Variants in QTMAN observed in about 807,000 individuals in gnomAD.
QTMAN encodes tRNA-queuosine alpha-mannosyltransferase.
At chr2:144,215,645 A>C in the QTMAN span, among the ~76,000 whole-genome samples, 2 of 152,202 alleles carry the variant, frequency 1.3e-5, no homozygotes, top group Admixed American at 6.5e-5. Flanking sequence ...AATTCCATGA[A>C]TGATTTCAAA....
At chr2:144,302,737 T>C in the QTMAN span, among the ~76,000 whole-genome samples, 1 of 152,134 alleles carries the variant, frequency 6.6e-6, no homozygotes, top group African/African-American at 2.4e-5. Context: ...TAAGGAGTAT[T>C]TGACAAATAT....
chr2:144,291,898 C>G, the QTMAN span, among the ~76,000 whole-genome samples: 3 of 152,296 alleles, frequency 2.0e-5, no homozygotes, highest in East Asian at 1.9e-4. Flanking sequence ...ATCCAAGAAA[C>G]CAACTGCTTT....
chr2:144,220,878 C>A, the QTMAN span, among the ~76,000 whole-genome samples: 1 of 152,172 alleles, frequency 6.6e-6, no homozygotes, highest in African/African-American at 2.4e-5. Flanking sequence ...ATCCTATTAT[C>A]CTCTTGCATT....
At chr2:143,971,691 GTTT>G in the QTMAN span, among the ~76,000 whole-genome samples, 1 of 151,764 alleles carries the variant, frequency 6.6e-6, no homozygotes, top group Non-Finnish European at 1.5e-5. Flanking sequence ...CAAAATATTT[GTTT>G]TTTATTTATA....
At chr2:143,961,162 G>A in the QTMAN span, among the ~76,000 whole-genome samples, 20 of 152,220 alleles carry the variant, frequency 1.3e-4, 1 homozygote, top group South Asian at 3.9e-3. Flanking sequence ...ATTTAGCCAA[G>A]GAGAGATATA....
At chr2:143,979,483 A>G in the QTMAN span, among the ~76,000 whole-genome samples, 1 of 152,240 alleles carries the variant, frequency 6.6e-6, no homozygotes, top group Non-Finnish European at 1.5e-5. Context: ...ACATGAAATA[A>G]GCACTCAAAG....
the QTMAN span, among the ~76,000 whole-genome samples, chr2:144,089,775 T>C: frequency 7.4e-5 from 11 of 149,376 alleles, no homozygotes; most frequent in Non-Finnish European, 1.5e-4. Context: ...GAAGGGAGAG[T>C]GGGGGAGAGG....
At chr2:144,145,879 CCATGTAGCAG>C in the QTMAN span, 1 of 472,322 alleles carries the variant, frequency 2.1e-6, no homozygotes, top group Non-Finnish European at 3.7e-6. Flanking sequence ...AGGCTTAATA[CCATGTAGCAG>C]CATTCTAAGT....
the QTMAN span, among the ~76,000 whole-genome samples, chr2:144,027,460 G>T: frequency 1.3e-5 from 2 of 152,184 alleles, no homozygotes; most frequent in East Asian, 3.8e-4. Context: ...TCACTTGTCA[G>T]ATGAAGCAAA....
At chr2:144,023,918 TTAAAG>T in the QTMAN span, among the ~76,000 whole-genome samples, 9 of 152,250 alleles carry the variant, frequency 5.9e-5, no homozygotes, top group Admixed American at 3.9e-4. Context: ...ATGGGCTATC[TTAAAG>T]TATAGTGTAT....
chr2:144,084,809 C>T, the QTMAN span, among the ~76,000 whole-genome samples: 1 of 152,162 alleles, frequency 6.6e-6, no homozygotes, highest in Non-Finnish European at 1.5e-5. Context: ...TTGTGGTAAA[C>T]ATGACATTTA....
At chr2:144,250,990 A>G in the QTMAN span, among the ~76,000 whole-genome samples, 3 of 152,106 alleles carry the variant, frequency 2.0e-5, no homozygotes, top group Non-Finnish European at 4.4e-5. Flanking sequence ...TAAAATTTTA[A>G]AAGTTAAAAT....
the QTMAN span, among the ~76,000 whole-genome samples, chr2:144,304,554 C>G: frequency 6.6e-6 from 1 of 152,142 alleles, no homozygotes; most frequent in African/African-American, 2.4e-5. Flanking sequence ...AACAAACATA[C>G]CAGGATAGCA....
chr2:144,304,003 G>C, the QTMAN span, among the ~76,000 whole-genome samples: 1 of 151,990 alleles, frequency 6.6e-6, no homozygotes, highest in East Asian at 1.9e-4. Context: ...CTAAGAAGAG[G>C]GAAAGCACCA....
At chr2:144,080,185 T>C in the QTMAN span, among the ~76,000 whole-genome samples, 14 of 152,222 alleles carry the variant, frequency 9.2e-5, no homozygotes, top group South Asian at 2.1e-4. Context: ...TTTGCCTCTT[T>C]AACAATAATC....
chr2:144,125,031 T>A, the QTMAN span, among the ~76,000 whole-genome samples: 6 of 152,108 alleles, frequency 3.9e-5, no homozygotes, highest in Non-Finnish European at 1.5e-5. Context: ...AGCCAAGTCT[T>A]GGAGCTAGAA....
the QTMAN span, chr2:144,127,801 T>C: frequency 6.6e-6 from 1 of 152,084 alleles, no homozygotes; most frequent in Non-Finnish European, 1.5e-5. Context: ...TTGACCAAGA[T>C]ACACATCTAG....
At chr2:144,246,334 G>A in the QTMAN span, among the ~76,000 whole-genome samples, 1 of 151,988 alleles carries the variant, frequency 6.6e-6, no homozygotes, top group African/African-American at 2.4e-5. Context: ...AGCACTTTGG[G>A]AGGCCGAGGC....
chr2:144,197,022 A>T, the QTMAN span, among the ~76,000 whole-genome samples: 2 of 152,144 alleles, frequency 1.3e-5, no homozygotes, highest in African/African-American at 4.8e-5. Context: ...TTATTGTGTG[A>T]GCATCACAGA....
Sources: allele counts gnomAD v4.1 joint callset (sites outside exome capture counted in the v4.1 genomes callset), GRCh38; gene constraint gnomAD v4.1.1; transcripts MANE v1.5; gene names NCBI Gene and HGNC (gene_info 2026-07-23, HGNC 2026-07-21).